The following BTRC variants were observed in gnomAD, a reference collection of about 807,000 sequenced individuals.
BTRC encodes the protein beta-transducin repeat containing E3 ubiquitin protein ligase.
Under a neutral mutation model 85.5 loss-of-function variants are expected in BTRC, and 42 were observed. The ratio of observed to expected loss-of-function variants is 0.49; its 90% CI spans 0.38 to 0.64. The LOEUF (loss-of-function observed/expected upper bound fraction) is 0.64, where lower values mean the gene tolerates loss of function less well. BTRC is among the 30% of genes least tolerant of loss of function. BTRC has a pLI of 0.00. For synonymous variants in BTRC, 255 were observed against 263.3 expected (o/e 0.97, Z 0.30); for missense variants, 594 against 743.5 (o/e 0.80, Z 2.34).
At chr10:101,527,104 G>A (rs1377341911) in intron 6 of BTRC, among the ~76,000 whole-genome samples, 1 of 152,098 alleles carries the variant, frequency 6.6e-6, no homozygotes, top group Admixed American at 6.6e-5. Flanking sequence ...TATTCTCATT[G>A]ACAGAAAAAA....
intron 3 of BTRC, 101 bp downstream of exon 3, chr10:101,462,159 A>G: frequency 1.1e-6 from 1 of 934,378 alleles, no homozygotes; most frequent in Non-Finnish European, 1.7e-6. Flanking sequence ...TGGAGCTTAT[A>G]TTAAGAGTAC....
At chr10:101,472,644 G>A (rs543342035) in intron 3 of BTRC, among the ~76,000 whole-genome samples, 1 of 152,232 alleles carries the variant, frequency 6.6e-6, no homozygotes, top group South Asian at 2.1e-4. Context: ...GTGAAACCCT[G>A]TCTCTACTAA....
chr10:101,441,143 A>ATTTCT, intron 2 of BTRC, among the ~76,000 whole-genome samples: 1 of 152,194 alleles, frequency 6.6e-6, no homozygotes, highest in Admixed American at 6.5e-5. Context: ...AGGATGAATG[A>ATTTCT]AAACAAACCA....
At chr10:101,479,264 A>G in intron 3 of BTRC, 104 bp from the exon 4 acceptor site, 1 of 807,448 alleles carries the variant, frequency 1.2e-6, no homozygotes, top group Non-Finnish European at 2.0e-6. Flanking sequence ...TTATAGATAA[A>G]ATCTATTTGT....
intron 12 of BTRC, among the ~76,000 whole-genome samples, chr10:101,537,007 G>A (rs941281213): frequency 5.3e-5 from 8 of 152,174 alleles, no homozygotes; most frequent in African/African-American, 1.9e-4. Context: ...ACACTAGAGG[G>A]CAGTATTTGG....
At chr10:101,361,187 A>G (rs1021107254) in intron 1 of BTRC, among the ~76,000 whole-genome samples, 3 of 150,660 alleles carry the variant, frequency 2.0e-5, no homozygotes, top group African/African-American at 7.3e-5. Context: ...GCTCACTGCA[A>G]CCTCAGCTTC....
intron 4 of BTRC, among the ~76,000 whole-genome samples, chr10:101,481,727 A>G (rs1327486020): frequency 1.3e-5 from 2 of 152,188 alleles, no homozygotes; most frequent in East Asian, 1.9e-4. Flanking sequence ...ACTTGCTCCC[A>G]GGTGGTGACC....
chr10:101,550,944 C>A, intron 14 of BTRC, 53 bp downstream of exon 14: 1 of 1,452,952 alleles, frequency 6.9e-7, no homozygotes, highest in Non-Finnish European at 9.3e-7. Flanking sequence ...GGGATATTAG[C>A]TGTAAGGTGT....
intron 3 of BTRC, among the ~76,000 whole-genome samples, chr10:101,478,292 C>T (rs185375344): frequency 0.026 from 3,829 of 149,626 alleles, 75 homozygotes; most frequent in Non-Finnish European, 0.037. Context: ...CAGAGCAAGA[C>T]TCCATCTCAA....
intron 2 of BTRC, among the ~76,000 whole-genome samples, chr10:101,458,217 A>G (rs1162721555): frequency 6.6e-6 from 1 of 152,204 alleles, no homozygotes; most frequent in African/African-American, 2.4e-5. Context: ...TTACAACAAC[A>G]TGAGTAGATC....
At chr10:101,518,529 G>A (rs886914034) in intron 4 of BTRC, among the ~76,000 whole-genome samples, 19 of 152,258 alleles carry the variant, frequency 1.2e-4, no homozygotes, top group African/African-American at 3.9e-4. Context: ...CATAATCTCC[G>A]CCTTTTGATG....
In BTRC at chr10:101,535,366, A is replaced by G. The variant is rs1439882199; in HGVS notation, c.1360A>G (p.Ser454Gly). The G allele has an allele frequency of 1.8e-5, 29 of 1,613,408 alleles. No homozygotes were observed. Among genetic ancestry groups the G allele is most frequent in the Non-Finnish European group, 2.3e-5 (27 of 1,179,708 alleles). The change falls in exon 11 of 15, where the codon AGT (serine) becomes GGT (glycine). Residue 454 changes from serine (S) to glycine (G), a missense_variant. Coordinates refer to ENST00000370187, the MANE Select transcript of BTRC (RefSeq NM_033637.4). ...TTTTCTTTTTCAGGTATGGAACACA[A>G]GTACTTGTGAATTTGTAAGGACCTT... The part of the protein sequence containing the change: ...GDRTIKVWNT[S>G]TCEFVRTLNG...
chr10:101,357,536 C>A (rs1358123524), intron 1 of BTRC, among the ~76,000 whole-genome samples: 1 of 151,606 alleles, frequency 6.6e-6, no homozygotes, highest in Non-Finnish European at 1.5e-5. Context: ...ATCAAACGGG[C>A]ATTTTTATTA....
At chr10:101,540,310 G>A (rs930757533) in intron 13 of BTRC, among the ~76,000 whole-genome samples, 1 of 152,180 alleles carries the variant, frequency 6.6e-6, no homozygotes, top group African/African-American at 2.4e-5. Flanking sequence ...ATGGTACAAG[G>A]TGTAGATCAA....
At chr10:101,487,692 G>A (rs1052202055) in intron 4 of BTRC, among the ~76,000 whole-genome samples, 2 of 152,192 alleles carry the variant, frequency 1.3e-5, no homozygotes, top group South Asian at 4.1e-4. Flanking sequence ...AAAAGATCAG[G>A]TGGGGTAAGC....
chr10:101,359,889 C>T (rs868108071), intron 1 of BTRC, among the ~76,000 whole-genome samples: 2 of 150,760 alleles, frequency 1.3e-5, no homozygotes, highest in East Asian at 2.0e-4. Context: ...CGTGAGCTGC[C>T]GTGTCCGGCC....
Position 101,373,158 on chromosome 10 carries a change from T to C in BTRC, c.48+18930T>C, listed in dbSNP as rs571673616. Among the ~76,000 whole-genome samples, 40 of 152,358 alleles carry C rather than the reference T, an allele frequency of 2.6e-4. 1 individual carries two copies. In the South Asian group the frequency reaches 8.1e-3, roughly 31 times the overall value. ...GCAGAGGCTTTAAATCTGTGGTCTG[T>C]GGCCCCTGTACAAGCTATAAACATG... On this transcript the variant is annotated intron_variant, in intron 1 of 14. Coordinates refer to ENST00000370187, the MANE Select transcript of BTRC (RefSeq NM_033637.4).
intron 3 of BTRC, among the ~76,000 whole-genome samples, chr10:101,478,448 AT>A (rs200893201): frequency 0.022 from 3,285 of 150,288 alleles, 83 homozygotes; most frequent in East Asian, 0.063. Flanking sequence ...TTTTAAAATA[AT>A]TTTTTTTTTC....
chr10:101,490,697 C>T (rs898234552), intron 4 of BTRC, among the ~76,000 whole-genome samples: 2 of 152,168 alleles, frequency 1.3e-5, no homozygotes, highest in Non-Finnish European at 2.9e-5. Context: ...CCTCTTCCTA[C>T]CTCTTGCTGC....
Sources: gnomAD v4.1 joint callset for allele counts (sites outside exome capture counted in the v4.1 genomes callset) on GRCh38, gnomAD v4.1.1 for gene constraint, MANE v1.5 for transcripts, NCBI Gene and HGNC (gene_info 2026-07-23, HGNC 2026-07-21) for gene names.